The following BRAF variants were observed in gnomAD, a reference collection of about 807,000 sequenced individuals.
The protein encoded by BRAF is serine/threonine-protein kinase B-raf.
In BRAF, 16 loss-of-function variants were observed where a neutral mutation model predicts 104.6. The observed-to-expected ratio is 0.15, with a 90% CI of 0.10 to 0.23. The LOEUF (loss-of-function observed/expected upper bound fraction) is 0.23. BRAF is among the 10% of genes least tolerant of loss of function. BRAF has a pLI of 1.00. For missense variants in BRAF, 541 were observed against 937.3 expected, an observed-to-expected ratio of 0.58 and a Z score of 5.52; for synonymous variants, 310 against 341.6, an observed-to-expected ratio of 0.91 and a Z score of 1.02.
chr7:140,881,651 C>CT (rs1812931812), intron 1 of BRAF, among the ~76,000 whole-genome samples: 1 of 152,180 alleles, frequency 6.6e-6, no homozygotes, highest in Non-Finnish European at 1.5e-5. Context: ...AAAGGCATAG[C>CT]TTTTTGACAT....
intron 1 of BRAF, among the ~76,000 whole-genome samples, chr7:140,877,230 T>C (rs990684667): frequency 6.7e-6 from 1 of 148,638 alleles, no homozygotes; most frequent in Non-Finnish European, 1.5e-5. Context: ...AATACAGTAG[T>C]GCTACAGTGA....
intron 1 of BRAF, among the ~76,000 whole-genome samples, chr7:140,889,631 A>G (rs144720737): frequency 3.9e-5 from 6 of 152,336 alleles, no homozygotes; most frequent in African/African-American, 1.4e-4. Context: ...AATCCTAACT[A>G]AAAGGAAAAA....
chr7:140,862,199 A>C (rs898948642), intron 1 of BRAF, among the ~76,000 whole-genome samples: 1 of 152,218 alleles, frequency 6.6e-6, no homozygotes, highest in African/African-American at 2.4e-5. Context: ...TAAATGGGCA[A>C]GGAGAAAACT....
intron 8 of BRAF, among the ~76,000 whole-genome samples, chr7:140,792,644 C>G (rs1254822280): frequency 6.6e-6 from 1 of 152,082 alleles, no homozygotes; most frequent in African/African-American, 2.4e-5. Context: ...AGTTTATTAC[C>G]CCCTTCTCTA....
At chr7:140,849,785 C>T (rs1808956512) in intron 2 of BRAF, among the ~76,000 whole-genome samples, 1 of 151,442 alleles carries the variant, frequency 6.6e-6, no homozygotes, top group Admixed American at 6.6e-5. Context: ...GCACTCCAGC[C>T]TGGGCGACAG....
At chr7:140,829,200 G>C (rs181868024) in intron 3 of BRAF, among the ~76,000 whole-genome samples, 1,146 of 43,434 alleles carry the variant, frequency 0.026, 17 homozygotes, top group African/African-American at 0.044. Flanking sequence ...TTTTTTTTGT[G>C]GGGGGGGGCA....
chr7:140,743,084 A>T (rs1797063133), intron 17 of BRAF, among the ~76,000 whole-genome samples: 1 of 152,168 alleles, frequency 6.6e-6, no homozygotes, highest in South Asian at 2.1e-4. Flanking sequence ...CAGGTGCTGG[A>T]GAGGATGTGG....
rs1807137697 is a variant in BRAF at position 140,834,770 on chromosome 7, C to T, written c.343G>A (p.Ala115Thr). The change falls in exon 3 of 20, where the codon GCA (alanine) becomes ACA (threonine). Residue 115 changes from alanine (A) to threonine (T), a missense_variant. Around this residue, in one of 10 missense-constraint regions of BRAF, gnomAD observed 86 missense variants for 133.9 expected, o/e 0.64. Coordinates refer to ENST00000644969, the MANE Select transcript of BRAF (RefSeq NM_001374258.1). ...GAAGATGTAACGGTATCCATTGATGCAGAGCTAGAAACAGAAAAATCAGTT... is the reference window on the plus strand; with the variant it reads ...GAAGATGTAACGGTATCCATTGATGTAGAGCTAGAAACAGAAAAATCAGTT... ...NGTDFSVSSS[A>T]SMDTVTSSSS... 1.9e-6 allele frequency: 3 copies of T among 1,614,016 alleles called. No homozygotes were observed. The highest frequency in any genetic ancestry group is 2.5e-6 in the Non-Finnish European group (3 of 1,180,006).
chr7:140,767,903 T>C (rs1799481928), intron 14 of BRAF, among the ~76,000 whole-genome samples: 1 of 152,186 alleles, frequency 6.6e-6, no homozygotes, highest in Admixed American at 6.5e-5. Flanking sequence ...TGACACATAG[T>C]AAGTGCATAT....
chr7:140,767,578 T>C (rs1407479113), intron 14 of BRAF, among the ~76,000 whole-genome samples: 1 of 152,088 alleles, frequency 6.6e-6, no homozygotes, highest in East Asian at 1.9e-4. Context: ...TTTAGAGGCT[T>C]AAGGATATGA....
chr7:140,832,816 T>C (rs942951532), intron 3 of BRAF, among the ~76,000 whole-genome samples: 1 of 152,174 alleles, frequency 6.6e-6, no homozygotes, highest in South Asian at 2.1e-4. Flanking sequence ...TTATAAGCTT[T>C]AGTGATACCT....
chr7:140,851,192 T>C (rs995145209), intron 1 of BRAF, among the ~76,000 whole-genome samples: 1 of 151,702 alleles, frequency 6.6e-6, no homozygotes, highest in Non-Finnish European at 1.5e-5. Context: ...AAATAAGTAA[T>C]CAGGTTTTTT....
chr7:140,719,946 A>G lies in BRAF; in HGVS notation c.*6548T>C, dbSNP rs531921249. ...GCCATAAGGTTTGGAGTGGTGAAACAGGAACCGTGAATTCACTGCAGTTCA... is the reference window on the plus strand; with the variant it reads ...GCCATAAGGTTTGGAGTGGTGAAACGGGAACCGTGAATTCACTGCAGTTCA... On this transcript the variant is annotated 3_prime_UTR_variant, in exon 20 of 20. Coordinates refer to ENST00000644969, the MANE Select transcript of BRAF (RefSeq NM_001374258.1). 2,341 of 1,062,444 alleles carry G rather than the reference A, an allele frequency of 2.2e-3. 4 individuals carry two copies. The highest frequency in any genetic ancestry group is 2.6e-3 in the Non-Finnish European group (2,279 of 877,444). The allele number at this position is 1,062,444 out of a possible 1,614,324, so 65.8% of individuals were successfully genotyped here.
Position 140,758,335 on chromosome 7 carries a change from T to C in BRAF, c.1815-4102A>G, listed in dbSNP as rs184256450. On this transcript the variant is annotated intron_variant, in intron 14 of 19. Coordinates refer to ENST00000644969, the MANE Select transcript of BRAF (RefSeq NM_001374258.1). ...AGAATGGCATTCTGTTACTTCTCTG[T>C]AGTCAGTAATCATTTATCACTTTAA... 5.3e-5 allele frequency: 8 copies of C among 152,330 alleles called. No homozygotes were observed. The East Asian group carries it at 9.6e-4, about 18-fold the overall frequency. 9.4% of individuals were successfully genotyped at this position (152,330 alleles called of 1,614,324 possible).
At chr7:140,868,367 A>AT (rs1354822988) in intron 1 of BRAF, among the ~76,000 whole-genome samples, 2 of 152,244 alleles carry the variant, frequency 1.3e-5, no homozygotes, top group Non-Finnish European at 1.5e-5. Context: ...AAAATGTCGC[A>AT]TATCCATTCA....
Position 140,720,808 on chromosome 7 carries a change from T to A in BRAF, c.*5686A>T. The A allele has an allele frequency of 9.4e-7, 1 of 1,066,124 alleles. No homozygotes were observed. The highest frequency in any genetic ancestry group is 1.1e-6 in the Non-Finnish European group (1 of 879,806). The allele number at this position is 1,066,124 out of a possible 1,614,324, so 66.0% of individuals were successfully genotyped here. ...AACTTAACACAAAAATGCAACGCAG[T>A]AATTTTCAAAACAAAACCAGGACTA... On this transcript the variant is annotated 3_prime_UTR_variant, in exon 20 of 20. Transcript: ENST00000644969.
intron 17 of BRAF, among the ~76,000 whole-genome samples, chr7:140,746,777 C>G (rs1797381245): frequency 6.7e-6 from 1 of 150,146 alleles, no homozygotes; most frequent in Non-Finnish European, 1.5e-5. Flanking sequence ...TTGCAGTGAG[C>G]TGAGATCAGG....
intron 10 of BRAF, chr7:140,783,538 T>C (rs909171640): frequency 4.3e-6 from 1 of 233,130 alleles, no homozygotes; most frequent in Non-Finnish European, 8.4e-6. Flanking sequence ...ATATAACAAA[T>C]ACATTTTTAA....
chr7:140,831,012 A>G (rs568142275), intron 3 of BRAF, among the ~76,000 whole-genome samples: 1 of 152,352 alleles, frequency 6.6e-6, no homozygotes, highest in African/African-American at 2.4e-5. Context: ...TGTAAGTCAC[A>G]ACCTGGAACT....
Sources: allele counts gnomAD v4.1 joint callset (sites outside exome capture counted in the v4.1 genomes callset), GRCh38; gene constraint gnomAD v4.1.1; regional missense constraint gnomAD v4.1.1; transcripts MANE v1.5; gene names NCBI Gene and HGNC (gene_info 2026-07-23, HGNC 2026-07-21).